The following LRBA variants were observed in gnomAD, a reference collection of about 807,000 sequenced individuals.
The protein encoded by LRBA is LPS responsive beige-like anchor protein, also known as lipopolysaccharide-responsive and beige-like anchor protein.
Under a neutral mutation model 330.0 loss-of-function variants are expected in LRBA, and 176 were observed. The ratio of observed to expected loss-of-function variants is 0.53; its 90% CI spans 0.47 to 0.60. LRBA has a LOEUF of 0.60. Among genes scored for constraint, LRBA ranks in the 20% least tolerant of loss-of-function variants. LRBA has a pLI of 0.00. For missense variants in LRBA, 3,259 were observed against 3,444.8 expected, an observed-to-expected ratio of 0.95 and a Z score of 1.35; for synonymous variants, 1,230 against 1,193.0, an observed-to-expected ratio of 1.03 and a Z score of -0.64.
chr4:151,007,226 G>C (rs1334319795), intron 2 of LRBA, among the ~76,000 whole-genome samples: 1 of 152,206 alleles, frequency 6.6e-6, no homozygotes, highest in African/African-American at 2.4e-5. Context: ...CTCTAGCCGG[G>C]TGCAGTGGCT....
rs183581907 is a variant in LRBA, at chr4:150,886,364, T to C, written c.2165+6688A>G. Among the ~76,000 whole-genome samples, 157 of 152,238 alleles carry C rather than the reference T, an allele frequency of 1.0e-3. 1 individual carries two copies. The Middle Eastern group carries it at 0.034, about 33-fold the overall frequency. ...GAGAAGTGTGGGGAAGAATCCTAAA[T>C]AGCAGAGAGTAAGAGAAAAGGGTTC... On this transcript the variant is annotated intron_variant, in intron 17 of 56. Coordinates refer to ENST00000651943, the MANE Select transcript of LRBA (RefSeq NM_001364905.1).
At chr4:150,728,125 TC>T (rs1729948467) in intron 36 of LRBA, among the ~76,000 whole-genome samples, 3 of 152,192 alleles carry the variant, frequency 2.0e-5, no homozygotes, top group African/African-American at 7.2e-5. Context: ...ATGGATCAAT[TC>T]CTAGATACAT....
chr4:150,561,197 A>C (rs1272934031), intron 40 of LRBA, among the ~76,000 whole-genome samples: 1 of 152,120 alleles, frequency 6.6e-6, no homozygotes, highest in Non-Finnish European at 1.5e-5. Context: ...TAATATGACA[A>C]AACTGTGTTA....
intron 5 of LRBA, 112 bp downstream of exon 5, chr4:150,921,086 A>G: frequency 1.5e-6 from 1 of 653,610 alleles, no homozygotes. Context: ...AAGTATGTTG[A>G]GCAGAAGTTT....
At chr4:150,284,097 C>T (rs146981482) in intron 54 of LRBA, among the ~76,000 whole-genome samples, 32 of 152,216 alleles carry the variant, frequency 2.1e-4, no homozygotes, top group African/African-American at 6.3e-4. Context: ...TATAGAAGAG[C>T]GAGCTGCCTG....
In LRBA at chr4:150,723,188, A is replaced by G. The variant is rs1729167352; in HGVS notation, c.5754+12070T>C. ...GGGTTGGGCTCAGGGCCAGTGAACT[A>G]GGGTGGCACATGACCTAGAGACACA... On this transcript the variant is annotated intron_variant, in intron 36 of 56. Transcript: ENST00000651943. Among the ~76,000 whole-genome samples the G allele has an allele frequency of 2.0e-5, 3 of 152,166 alleles. No homozygotes were observed. The South Asian group carries it at 6.2e-4, about 31-fold the overall frequency.
chr4:150,444,010 C>T (rs1344813222), intron 44 of LRBA, among the ~76,000 whole-genome samples: 1 of 150,608 alleles, frequency 6.6e-6, no homozygotes, highest in Admixed American at 6.6e-5. Context: ...AGATTAAATG[C>T]TCTTTTGAAA....
intron 30 of LRBA, among the ~76,000 whole-genome samples, chr4:150,823,343 T>C (rs180935796): frequency 3.0e-4 from 46 of 152,326 alleles, no homozygotes; most frequent in Admixed American, 1.6e-3. Context: ...CCCTTATATA[T>C]TCTGATTATT....
At chr4:150,596,935 T>C (rs1581775489) in intron 38 of LRBA, 1 of 437,904 alleles carries the variant, frequency 2.3e-6, no homozygotes, top group East Asian at 4.1e-5. Context: ...ATATTAAATA[T>C]GATATATCTC....
At chr4:150,608,567 T>C (rs1269189855) in intron 37 of LRBA, among the ~76,000 whole-genome samples, 2 of 152,238 alleles carry the variant, frequency 1.3e-5, no homozygotes, top group African/African-American at 4.8e-5. Flanking sequence ...GAGAAGTCTT[T>C]GTTCATGTTT....
At chr4:150,506,488 C>T (rs1418825483) in intron 40 of LRBA, among the ~76,000 whole-genome samples, 2 of 152,204 alleles carry the variant, frequency 1.3e-5, no homozygotes, top group African/African-American at 4.8e-5. Context: ...ACATGATTAT[C>T]TCAATAGATG....
intron 31 of LRBA, among the ~76,000 whole-genome samples, chr4:150,810,439 A>G (rs892331617): frequency 7.0e-6 from 1 of 142,488 alleles, no homozygotes; most frequent in African/African-American, 2.6e-5. Flanking sequence ...TCCTTTATAT[A>G]CCGGAAGTTT....
chr4:150,925,087 T>A (rs938455780), intron 4 of LRBA, among the ~76,000 whole-genome samples: 2 of 150,574 alleles, frequency 1.3e-5, no homozygotes, highest in Non-Finnish European at 2.9e-5. Flanking sequence ...GATCTCTTGA[T>A]ACCAGGAAGC....
chr4:150,317,144 T>C (rs1361703122), intron 50 of LRBA, among the ~76,000 whole-genome samples: 1 of 152,140 alleles, frequency 6.6e-6, no homozygotes, highest in Non-Finnish European at 1.5e-5. Flanking sequence ...TTATCAGATC[T>C]TAGCTTCTGC....
chr4:150,966,569 G>C (rs546191699), intron 2 of LRBA, among the ~76,000 whole-genome samples: 3 of 146,256 alleles, frequency 2.1e-5, no homozygotes, highest in Non-Finnish European at 4.5e-5. Context: ...CTCGTGATCC[G>C]CCCGCTTCGG....
chr4:150,282,016 A>G (rs570399615), intron 55 of LRBA, among the ~76,000 whole-genome samples: 12 of 152,310 alleles, frequency 7.9e-5, no homozygotes, highest in African/African-American at 2.6e-4. Context: ...ATAAACCTAA[A>G]TAGTCATAAT....
chr4:150,655,507 T>C (rs1780097772), intron 37 of LRBA, among the ~76,000 whole-genome samples: 1 of 152,196 alleles, frequency 6.6e-6, no homozygotes, highest in African/African-American at 2.4e-5. Context: ...AATAAGTGCA[T>C]ATGTAATTTT....
intron 2 of LRBA, among the ~76,000 whole-genome samples, chr4:151,011,470 C>T (rs947574244): frequency 2.0e-5 from 3 of 151,808 alleles, no homozygotes; most frequent in Non-Finnish European, 2.9e-5. Flanking sequence ...TCATGGCGCA[C>T]GCCTGTGGTC....
chr4:150,890,326 G>C (rs1339163108), intron 17 of LRBA, among the ~76,000 whole-genome samples: 1 of 152,174 alleles, frequency 6.6e-6, no homozygotes, highest in Non-Finnish European at 1.5e-5. Context: ...AGCTTAGAGT[G>C]TGCCTACCTA....
Sources: allele counts gnomAD v4.1 joint callset (sites outside exome capture counted in the v4.1 genomes callset), GRCh38; gene constraint gnomAD v4.1.1; transcripts MANE v1.5; gene names NCBI Gene and HGNC (gene_info 2026-07-23, HGNC 2026-07-21).